Variants in RAB11FIP4 observed in about 807,000 individuals in gnomAD.
RAB11FIP4 encodes the protein RAB11 family interacting protein 4, also known as rab11 family-interacting protein 4.
In RAB11FIP4, 23 loss-of-function variants were observed where a neutral mutation model predicts 74.3. The ratio of observed to expected loss-of-function variants is 0.31; its 90% CI spans 0.22 to 0.44. The LOEUF is 0.44. Ranked by LOEUF, RAB11FIP4 falls within the 20% of genes least tolerant of loss-of-function variation. RAB11FIP4 has a pLI of 1.00. For synonymous variants in RAB11FIP4, 360 were observed against 359.9 expected (o/e 1.00, Z 0.00); for missense variants, 630 against 863.9 (o/e 0.73, Z 3.39).
At chr17:31,527,741 C>A (rs1164825549) in intron 10 of RAB11FIP4, 101 bp from the exon 11 acceptor site, 4 of 821,482 alleles carry the variant, frequency 4.9e-6, no homozygotes, top group Admixed American at 2.8e-5. Context: ...TTTCTGGTAT[C>A]TTTCCTCTGG....
At chr17:31,433,658 C>G (rs1178328122) in intron 2 of RAB11FIP4, among the ~76,000 whole-genome samples, 1 of 152,116 alleles carries the variant, frequency 6.6e-6, no homozygotes, top group Non-Finnish European at 1.5e-5. Context: ...CGCCCAGCCT[C>G]GGAGGAATGG....
chr17:31,398,622 T>C (rs2070954295), intron 1 of RAB11FIP4, among the ~76,000 whole-genome samples: 1 of 152,210 alleles, frequency 6.6e-6, no homozygotes. Flanking sequence ...GCTTCCCTTA[T>C]GGGCGTCCAG....
chr17:31,447,666 AC>A (rs1296732666), intron 3 of RAB11FIP4, among the ~76,000 whole-genome samples: 1 of 151,200 alleles, frequency 6.6e-6, no homozygotes, highest in East Asian at 2.0e-4. Flanking sequence ...GGGATTACAC[AC>A]GCGCACCCCC....
chr17:31,480,706 T>C (rs2071838414), intron 3 of RAB11FIP4, among the ~76,000 whole-genome samples: 1 of 149,026 alleles, frequency 6.7e-6, no homozygotes. Context: ...GAGTATCGCT[T>C]GAACCCAGGA....
At chr17:31,496,862 G>A (rs1178884204) in intron 3 of RAB11FIP4, among the ~76,000 whole-genome samples, 4 of 152,214 alleles carry the variant, frequency 2.6e-5, no homozygotes, top group Admixed American at 1.3e-4. Flanking sequence ...GCTGGATGTC[G>A]CATCGCTGAG....
chr17:31,468,035 G>A (rs1022452024), intron 3 of RAB11FIP4, among the ~76,000 whole-genome samples: 8 of 152,162 alleles, frequency 5.3e-5, no homozygotes, highest in Non-Finnish European at 8.8e-5. Flanking sequence ...AGGTTTATTC[G>A]GGGTGAGCTG....
At position 31,525,201 on chromosome 17, in the gene RAB11FIP4, G is replaced by C; in HGVS notation, c.1245G>C (p.Lys415Asn). 2 of 1,548,652 alleles carry C rather than the reference G, an allele frequency of 1.3e-6. No homozygotes were observed. Among genetic ancestry groups the C allele is most frequent in the African/African-American group, 1.4e-5 (1 of 73,106 alleles). Reference sequence around the variant, plus strand: ...CCTACGGCAAGCTGGAGAGGGAGAAGGCTACCGAGGTGGAGCTGCTCAATG... The same window carrying C: ...CCTACGGCAAGCTGGAGAGGGAGAACGCTACCGAGGTGGAGCTGCTCAATG... ...REAYGKLEREKATEVELLNAR... is the reference protein window; with the variant it reads ...REAYGKLERENATEVELLNAR... Residue 415 changes from lysine (K) to asparagine (N), a missense_variant, in exon 10 of 15, where the codon AAG becomes AAC. Physicochemically the swap from Lys to Asn is moderately conservative, Grantham distance 94. Coordinates refer to ENST00000621161, the MANE Select transcript of RAB11FIP4 (RefSeq NM_032932.6).
At chr17:31,482,541 AG>A (rs965662902) in intron 3 of RAB11FIP4, among the ~76,000 whole-genome samples, 1 of 152,054 alleles carries the variant, frequency 6.6e-6, no homozygotes, top group African/African-American at 2.4e-5. Context: ...CAGTGAGCAA[AG>A]ATCGCACCAC....
At chr17:31,423,672 G>C (rs978900400) in intron 1 of RAB11FIP4, among the ~76,000 whole-genome samples, 3 of 145,088 alleles carry the variant, frequency 2.1e-5, no homozygotes, top group Admixed American at 2.0e-4. Context: ...CATACTCCAG[G>C]GGCCAGTCTG....
rs184906221 is a variant in RAB11FIP4 at position 31,512,223 on chromosome 17, C to T, written c.337-5428C>T. Among the ~76,000 whole-genome samples the T allele has an allele frequency of 2.8e-4, 43 of 152,286 alleles. No individual in the cohort carries two copies. The East Asian group carries it at 7.7e-3, about 27-fold the overall frequency. The stretch of plus-strand genomic sequence containing the variant: ...CCTCGTGAGGCCAGGTCAGAATTTA[C>T]GGCTCCTACCGTGACCGACTCTCCG... On this transcript the variant is annotated intron_variant, in intron 3 of 14. Transcript: ENST00000621161. The surrounding 1 kb of genome is among the most constrained non-coding windows in gnomAD (Gnocchi z 4.1).
intron 3 of RAB11FIP4, among the ~76,000 whole-genome samples, chr17:31,470,367 A>C (rs969299062): frequency 2.0e-5 from 3 of 152,128 alleles, no homozygotes; most frequent in African/African-American, 7.2e-5. Flanking sequence ...TGGAAGGGTG[A>C]TTGATGCTCT....
intron 1 of RAB11FIP4, among the ~76,000 whole-genome samples, chr17:31,408,845 G>T (rs1203473734): frequency 6.6e-6 from 1 of 152,188 alleles, no homozygotes; most frequent in Non-Finnish European, 1.5e-5. Flanking sequence ...AAAGGAAGTG[G>T]TGAATCCTGA....
At chr17:31,449,319 C>T (rs1044375146) in intron 3 of RAB11FIP4, among the ~76,000 whole-genome samples, 2 of 152,156 alleles carry the variant, frequency 1.3e-5, no homozygotes, top group African/African-American at 2.4e-5. Flanking sequence ...GCACCCGCAC[C>T]ACGCCCCTGC....
chr17:31,516,992 A>G (rs919366024), intron 3 of RAB11FIP4, among the ~76,000 whole-genome samples: 5 of 151,976 alleles, frequency 3.3e-5, no homozygotes, highest in African/African-American at 1.2e-4. Flanking sequence ...GTTACACCCT[A>G]TGCAAACATC....
At chr17:31,424,608 C>T (rs138130593) in intron 1 of RAB11FIP4, among the ~76,000 whole-genome samples, 1,519 of 145,678 alleles carry the variant, frequency 0.01, 35 homozygotes, top group African/African-American at 0.036. Context: ...CGGAGTCTCG[C>T]TCTGTTGTCC....
intron 1 of RAB11FIP4, among the ~76,000 whole-genome samples, chr17:31,400,387 G>T (rs938593097): frequency 1.3e-5 from 2 of 152,228 alleles, no homozygotes; most frequent in Non-Finnish European, 1.5e-5. Flanking sequence ...CAGTGAGCCC[G>T]AAGACAAGGG....
intron 3 of RAB11FIP4, among the ~76,000 whole-genome samples, chr17:31,473,153 G>A (rs964660849): frequency 2.6e-5 from 4 of 152,086 alleles, no homozygotes; most frequent in South Asian, 2.1e-4. Context: ...AGGAGGACCC[G>A]GGCAGAGGTT....
At chr17:31,425,967 C>T (rs2071245502) in intron 1 of RAB11FIP4, among the ~76,000 whole-genome samples, 1 of 152,226 alleles carries the variant, frequency 6.6e-6, no homozygotes, top group South Asian at 2.1e-4. Context: ...CCGCTGGGAC[C>T]TCGCTTCACC....
chr17:31,454,002 C>A (rs930035691), intron 3 of RAB11FIP4, among the ~76,000 whole-genome samples: 1 of 151,846 alleles, frequency 6.6e-6, no homozygotes, highest in Admixed American at 6.6e-5. Flanking sequence ...GCATCCCCCC[C>A]AGCCCCACCC....
Sources: allele counts gnomAD v4.1 joint callset (sites outside exome capture counted in the v4.1 genomes callset), GRCh38; gene constraint gnomAD v4.1.1; non-coding constraint Gnocchi (gnomAD v3.1); transcripts MANE v1.5; gene names NCBI Gene and HGNC (gene_info 2026-07-23, HGNC 2026-07-21).